The following PIK3R4 variants were observed in gnomAD, a reference collection of about 807,000 sequenced individuals.
PIK3R4 encodes phosphoinositide 3-kinase regulatory subunit 4.
In PIK3R4, 46 loss-of-function variants were observed where a neutral mutation model predicts 136.5. That is an observed-to-expected ratio of 0.34 (90% CI 0.27 to 0.43). The LOEUF is 0.43. PIK3R4 is among the 20% of genes least tolerant of loss of function. The pLI, the probability that PIK3R4 is intolerant of heterozygous loss-of-function variation, is 1.00. For missense variants in PIK3R4, 1,331 were observed against 1,649.5 expected (o/e 0.81, Z 3.35); for synonymous variants, 557 against 566.7 (o/e 0.98, Z 0.24).
At chr3:130,722,247 T>G (rs995837659) in intron 7 of PIK3R4, among the ~76,000 whole-genome samples, 2 of 152,238 alleles carry the variant, frequency 1.3e-5, no homozygotes, top group African/African-American at 4.8e-5. Context: ...AGTTTTCATA[T>G]CAAATTCAGT....
intron 7 of PIK3R4, 79 bp from the exon 8 acceptor site, chr3:130,718,613 T>C: frequency 7.1e-7 from 1 of 1,414,570 alleles, no homozygotes; most frequent in Non-Finnish European, 9.8e-7. Context: ...CCTTATAACG[T>C]AACTGACAAA....
chr3:130,710,127 C>T (rs567019253), intron 9 of PIK3R4, among the ~76,000 whole-genome samples: 148 of 151,930 alleles, frequency 9.7e-4, no homozygotes, highest in African/African-American at 3.5e-3. Flanking sequence ...TGTTCATAAA[C>T]GCAAATGAAA....
intron 4 of PIK3R4, among the ~76,000 whole-genome samples, chr3:130,731,541 T>G (rs745793504): frequency 6.6e-6 from 1 of 152,166 alleles, no homozygotes; most frequent in Non-Finnish European, 1.5e-5. Flanking sequence ...ATCCTGATAA[T>G]ATGTCAAAAT....
chr3:130,683,552 T>TA (rs2066471476), intron 16 of PIK3R4, among the ~76,000 whole-genome samples: 1 of 152,140 alleles, frequency 6.6e-6, no homozygotes, highest in Non-Finnish European at 1.5e-5. Context: ...GGGCTCACAG[T>TA]AATAGCCTTA....
At chr3:130,738,935 C>T (rs888099961) in intron 2 of PIK3R4, among the ~76,000 whole-genome samples, 4 of 152,174 alleles carry the variant, frequency 2.6e-5, no homozygotes, top group Admixed American at 6.5e-5. Flanking sequence ...ATGTGGAGGA[C>T]GTATTTGAGT....
At chr3:130,742,080 G>A (rs922455807) in intron 2 of PIK3R4, among the ~76,000 whole-genome samples, 5 of 152,184 alleles carry the variant, frequency 3.3e-5, no homozygotes, top group African/African-American at 1.2e-4. Flanking sequence ...TATCAAGGAC[G>A]TCAGGACTCG....
rs767434522 is a variant in PIK3R4, at chr3:130,686,425, A to G, written c.3264-3T>C. The G allele has an allele frequency of 4.4e-6, 7 of 1,577,590 alleles. No homozygotes were observed. The East Asian group carries it at 1.3e-4, about 30-fold the overall frequency. ...CGTCCTCCTTCTGATCTAGAATTCT[A>G]GAGAAATACACAAAGCACAGACGTT... On this transcript the variant is annotated splice_polypyrimidine_tract_variant and splice_region_variant and intron_variant, in intron 14 of 19. Transcript: ENST00000356763.
intron 9 of PIK3R4, among the ~76,000 whole-genome samples, chr3:130,715,121 C>CTTCTTTTTT (rs2066656196): frequency 8.3e-6 from 1 of 119,914 alleles, no homozygotes; most frequent in East Asian, 2.4e-4. Context: ...TTTTTCCCGA[C>CTTCTTTTTT]TTTTTTTTTT....
chr3:130,735,343 C>T (rs1979518), intron 3 of PIK3R4, among the ~76,000 whole-genome samples: 5 of 151,934 alleles, frequency 3.3e-5, no homozygotes, highest in Non-Finnish European at 5.9e-5. Context: ...ATGTGGCTTA[C>T]GTGATCCCCC....
At chr3:130,711,264 G>A (rs2066631198) in intron 9 of PIK3R4, among the ~76,000 whole-genome samples, 1 of 151,924 alleles carries the variant, frequency 6.6e-6, no homozygotes, top group Non-Finnish European at 1.5e-5. Flanking sequence ...TTTCAGGCAT[G>A]GGAAAACAGG....
intron 13 of PIK3R4, among the ~76,000 whole-genome samples, chr3:130,696,838 T>C (rs553873002): frequency 2.6e-4 from 39 of 152,248 alleles, no homozygotes; most frequent in African/African-American, 8.9e-4. Flanking sequence ...ATCTTGAAAA[T>C]AAGCTATTAA....
chr3:130,690,390 G>C (rs2066509955), intron 14 of PIK3R4, 100 bp downstream of exon 14: 1 of 527,428 alleles, frequency 1.9e-6, no homozygotes, highest in Non-Finnish European at 3.2e-6. Context: ...CAATGTAAGA[G>C]GCCCTTAGTT....
chr3:130,732,670 G>A (rs868089014), intron 4 of PIK3R4, among the ~76,000 whole-genome samples: 7 of 151,788 alleles, frequency 4.6e-5, no homozygotes, highest in Non-Finnish European at 1.0e-4. Flanking sequence ...ATAAAAACAC[G>A]TAACAATCAC....
At chr3:130,720,772 C>A (rs908306907) in intron 7 of PIK3R4, among the ~76,000 whole-genome samples, 1 of 152,126 alleles carries the variant, frequency 6.6e-6, no homozygotes, top group Non-Finnish European at 1.5e-5. Context: ...TTGAGAAAAG[C>A]CCCAATGAAG....
chr3:130,723,086 A>T (rs1305099324), intron 7 of PIK3R4, among the ~76,000 whole-genome samples: 2 of 146,600 alleles, frequency 1.4e-5, no homozygotes, highest in African/African-American at 5.1e-5. Context: ...AAAAAAAAAA[A>T]AAAAAAAAAA....
At chr3:130,723,257 G>A (rs2066712919) in intron 7 of PIK3R4, among the ~76,000 whole-genome samples, 157 bp downstream of exon 7, 1 of 151,678 alleles carries the variant, frequency 6.6e-6, no homozygotes, top group South Asian at 2.1e-4. Flanking sequence ...ATATAAGCAT[G>A]CACACATACA....
intron 16 of PIK3R4, 40 bp downstream of exon 16, chr3:130,684,210 G>T: frequency 6.3e-7 from 1 of 1,586,592 alleles, no homozygotes; most frequent in Non-Finnish European, 8.6e-7. Context: ...TACTTTCCAA[G>T]AAAATCTCCC....
In PIK3R4 at chr3:130,708,332, A is replaced by G. The variant is rs1257093997; in HGVS notation, c.2492T>C (p.Val831Ala). The change falls in exon 10 of 20, where the codon GTT (valine) becomes GCT (alanine). Residue 831 changes from valine (V) to alanine (A), a missense_variant. Val to Ala is a moderately conservative substitution (Grantham distance 64, BLOSUM62 0). Coordinates refer to ENST00000356763, the MANE Select transcript of PIK3R4 (RefSeq NM_014602.3). The stretch of plus-strand genomic sequence containing the variant: ...TTCTTGTTTGGTTTTAACAAGATCA[A>G]CTTGTCTCCCAGTTATGCCTAAAGC... ...LAALGITGRQ[V>A]DLVKTKQEPD... The G allele has an allele frequency of 9.3e-6, 15 of 1,613,720 alleles. No homozygotes were observed. Among genetic ancestry groups the G allele is most frequent in the African/African-American group, 4.0e-5 (3 of 74,910 alleles).
At position 130,730,425 on chromosome 3, in the gene PIK3R4, C is replaced by A; in HGVS notation, c.1468G>T (p.Ala490Ser). 6.3e-7 allele frequency: 1 copy of A among 1,582,678 alleles called. No individual in the cohort carries two copies. Among genetic ancestry groups the A allele is most frequent in the Non-Finnish European group, 8.6e-7 (1 of 1,168,270 alleles). The change falls in exon 5 of 20, where the codon GCA (alanine) becomes TCA (serine). Residue 490 changes from alanine (A) to serine (S), a missense_variant. By Grantham distance (99) the Ala-to-Ser change is moderately conservative. Around this residue, in one of 2 missense-constraint regions of PIK3R4, gnomAD observed 1,180 missense variants for 1,407.0 expected, o/e 0.84. Coordinates refer to ENST00000356763, the MANE Select transcript of PIK3R4 (RefSeq NM_014602.3). ...LAYAENIALL[A>S]ETALRFLELV... The stretch of plus-strand genomic sequence containing the variant: ...TCCAGGAATCTCAGAGCTGTTTCTG[C>A]CAGCAGAGCTATGTTTTCTATAAAA...
Sources: allele counts gnomAD v4.1 joint callset (sites outside exome capture counted in the v4.1 genomes callset), GRCh38; gene constraint gnomAD v4.1.1; regional missense constraint gnomAD v4.1.1; transcripts MANE v1.5; gene names NCBI Gene and HGNC (gene_info 2026-07-23, HGNC 2026-07-21).